The following TMEM248 variants were observed in gnomAD, a reference collection of about 807,000 sequenced individuals.
The protein encoded by TMEM248 is UPF0458 protein C7orf42.
Under a neutral mutation model 30.3 loss-of-function variants are expected in TMEM248, and 9 were observed. That is an observed-to-expected ratio of 0.30 (90% confidence interval 0.18 to 0.52). The LOEUF is 0.52. Among genes scored for constraint, TMEM248 ranks in the 20% least tolerant of loss-of-function variants. The pLI, the probability that TMEM248 is intolerant of heterozygous loss-of-function variation, is 0.97. For missense variants in TMEM248, 338 were observed against 403.3 expected (o/e 0.84, Z 1.39); for synonymous variants, 184 against 154.4 (o/e 1.19, Z -1.42).
Position 66,951,055 on chromosome 7 carries a change from A to G in TMEM248, c.700A>G (p.Asn234Asp). 1 of 1,613,130 alleles carries G rather than the reference A, an allele frequency of 6.2e-7. No individual in the cohort carries two copies. The highest frequency in any genetic ancestry group is 1.1e-5 in the South Asian group (1 of 90,882). ...CAACACAAAATACGCCCAAGATTAC[A>G]ATCCTTTCTGGTGTTATAAGGGGGC... is the stretch of plus-strand genomic sequence containing the variant. The part of the protein sequence containing the change: ...DANTKYAQDY[N>D]PFWCYKGAIG... Residue 234 changes from asparagine (N) to aspartate (D), a missense_variant, in exon 5 of 7, where the codon AAT becomes GAT. Transcript: ENST00000341567.
At chr7:66,944,324 C>T (rs1022205278) in intron 2 of TMEM248, among the ~76,000 whole-genome samples, 2 of 151,866 alleles carry the variant, frequency 1.3e-5, no homozygotes, top group Admixed American at 6.6e-5. Context: ...AGGCTGGTCT[C>T]GAACTCCTGA....
chr7:66,946,070 G>A (rs951233946), intron 3 of TMEM248, among the ~76,000 whole-genome samples: 1 of 149,846 alleles, frequency 6.7e-6, no homozygotes, highest in Admixed American at 6.7e-5. Context: ...GGGCGACAGA[G>A]GGAGACTCTC....
chr7:66,931,616 G>A (rs1308246876), intron 1 of TMEM248, among the ~76,000 whole-genome samples: 1 of 151,412 alleles, frequency 6.6e-6, no homozygotes, highest in Admixed American at 6.6e-5. Context: ...GGCCATTGGT[G>A]TACACCACCA....
intron 4 of TMEM248, among the ~76,000 whole-genome samples, chr7:66,949,971 A>C (rs1458942490): frequency 6.6e-6 from 1 of 152,148 alleles, no homozygotes; most frequent in Non-Finnish European, 1.5e-5. Flanking sequence ...AGACATTTGG[A>C]GGTTTGTAGG....
chr7:66,922,704 T>TGCAA (rs1554334384), intron 1 of TMEM248, among the ~76,000 whole-genome samples: 8 of 151,396 alleles, frequency 5.3e-5, no homozygotes, highest in African/African-American at 1.7e-4. Context: ...AAAGGTAGAT[T>TGCAA]ATATATATAT....
chr7:66,943,192 G>T (rs1246369164), intron 2 of TMEM248, among the ~76,000 whole-genome samples: 3 of 152,062 alleles, frequency 2.0e-5, no homozygotes, highest in Non-Finnish European at 4.4e-5. Flanking sequence ...AAAACAGGCT[G>T]CCCCCACATC....
intron 1 of TMEM248, among the ~76,000 whole-genome samples, chr7:66,937,229 A>G (rs527408791): frequency 6.6e-6 from 1 of 152,188 alleles, no homozygotes; most frequent in Admixed American, 6.5e-5. Flanking sequence ...AGTTTCCAGA[A>G]TTCCTCTTGT....
intron 3 of TMEM248, among the ~76,000 whole-genome samples, 184 bp from the exon 4 acceptor site, chr7:66,948,360 C>A (rs1792171053): frequency 6.6e-6 from 1 of 152,176 alleles, no homozygotes; most frequent in South Asian, 2.1e-4. Context: ...TGCTTCGTGG[C>A]TCTGAGTTGA....
intron 6 of TMEM248, among the ~76,000 whole-genome samples, chr7:66,955,079 A>G (rs924471403): frequency 2.6e-5 from 4 of 152,162 alleles, no homozygotes; most frequent in African/African-American, 9.7e-5. Context: ...CCTGGGCAAC[A>G]TAGTGAGAAC....
In TMEM248 at chr7:66,941,838, T is replaced by C; in HGVS notation, c.-18-10T>C. On this transcript the variant is annotated splice_polypyrimidine_tract_variant and intron_variant, in intron 1 of 6. Transcript: ENST00000341567. ...GTCAGTCCTTGAAGCTTCTGATTCATTTCTTTCAGGTGGAGCTGATCAGAA... is the reference window on the plus strand; with the variant it reads ...GTCAGTCCTTGAAGCTTCTGATTCACTTCTTTCAGGTGGAGCTGATCAGAA... The C allele has an allele frequency of 6.3e-7, 1 of 1,586,954 alleles. No homozygotes were observed. Among genetic ancestry groups the C allele is most frequent in the Non-Finnish European group, 8.6e-7 (1 of 1,163,342 alleles).
intron 6 of TMEM248, 44 bp downstream of exon 6, chr7:66,953,413 T>C: frequency 6.2e-7 from 1 of 1,600,250 alleles, no homozygotes. Flanking sequence ...ACTAGAGGTC[T>C]CTGTATACAG....
chr7:66,948,488 G>C, intron 3 of TMEM248, 56 bp from the exon 4 acceptor site: 6 of 1,567,108 alleles, frequency 3.8e-6, no homozygotes, highest in Non-Finnish European at 4.3e-6. Context: ...TTGTATCCCA[G>C]AGAATGACAA....
At chr7:66,934,481 G>A (rs1055655022) in intron 1 of TMEM248, among the ~76,000 whole-genome samples, 3 of 152,160 alleles carry the variant, frequency 2.0e-5, no homozygotes, top group African/African-American at 7.2e-5. Context: ...GATTACAGGC[G>A]TGAACCACTG....
intron 1 of TMEM248, among the ~76,000 whole-genome samples, chr7:66,927,943 G>A (rs962045875): frequency 1.3e-5 from 2 of 152,238 alleles, no homozygotes; most frequent in East Asian, 1.9e-4. Context: ...GGCTGAGCAC[G>A]GTAGCTCACA....
At chr7:66,942,588 C>T (rs1394364052) in intron 2 of TMEM248, among the ~76,000 whole-genome samples, 11 of 152,296 alleles carry the variant, frequency 7.2e-5, no homozygotes, top group African/African-American at 1.9e-4. Flanking sequence ...TTCCACCTCC[C>T]GGGCTCAAGC....
chr7:66,928,509 A>T (rs1791580688), intron 1 of TMEM248, among the ~76,000 whole-genome samples: 1 of 152,196 alleles, frequency 6.6e-6, no homozygotes, highest in African/African-American at 2.4e-5. Context: ...TCTCATCTGT[A>T]AAGTGGGAAT....
At chr7:66,948,320 C>G in intron 3 of TMEM248, among the ~76,000 whole-genome samples, 1 of 152,150 alleles carries the variant, frequency 6.6e-6, no homozygotes, top group Middle Eastern at 3.2e-3. Context: ...ATCTCCAGGC[C>G]ATGTACTGGA....
At chr7:66,948,523 A>G in intron 3 of TMEM248, 21 bp from the exon 4 acceptor site, 1 of 1,607,648 alleles carries the variant, frequency 6.2e-7, no homozygotes, top group Non-Finnish European at 8.5e-7. Context: ...ACTTTATAAA[A>G]AAATGATTTC....
At chr7:66,930,087 G>A (rs1394598819) in intron 1 of TMEM248, among the ~76,000 whole-genome samples, 8 of 152,172 alleles carry the variant, frequency 5.3e-5, no homozygotes, top group Admixed American at 3.9e-4. Context: ...TTGCGCCCAG[G>A]AAGTCAAGGC....
Sources: gnomAD v4.1 joint callset for allele counts (sites outside exome capture counted in the v4.1 genomes callset) on GRCh38, gnomAD v4.1.1 for gene constraint, MANE v1.5 for transcripts, NCBI Gene and HGNC (gene_info 2026-07-23, HGNC 2026-07-21) for gene names.